KCNIP4: variants seen among roughly 807,000 people sequenced by gnomAD.
KCNIP4 encodes potassium voltage-gated channel interacting protein 4.
A neutral mutation model predicts 34.0 loss-of-function variants in KCNIP4; 12 were observed. That is an observed-to-expected ratio of 0.35 (90% CI 0.23 to 0.57). The LOEUF (loss-of-function observed/expected upper bound fraction) is 0.57, where lower values mean the gene tolerates loss of function less well. KCNIP4 is among the 20% of genes least tolerant of loss of function. KCNIP4 has a pLI of 0.83. For missense variants in KCNIP4, 238 were observed against 311.7 expected, an observed-to-expected ratio of 0.76 and a Z score of 1.78; for synonymous variants, 124 against 102.2, an observed-to-expected ratio of 1.21 and a Z score of -1.29.
At chr4:20,997,239 C>T (rs917248007) in intron 1 of KCNIP4, among the ~76,000 whole-genome samples, 5 of 152,106 alleles carry the variant, frequency 3.3e-5, no homozygotes, top group Non-Finnish European at 5.9e-5. Flanking sequence ...AGAAAGGAAA[C>T]AAGAGACAGG....
intron 1 of KCNIP4, among the ~76,000 whole-genome samples, chr4:20,933,655 A>G (rs965176171): frequency 6.6e-6 from 1 of 152,064 alleles, no homozygotes; most frequent in African/African-American, 2.4e-5. Flanking sequence ...AGTCCAAACA[A>G]TTGTTACTTT....
chr4:21,479,704 A>G (rs1731266935), intron 1 of KCNIP4, among the ~76,000 whole-genome samples: 1 of 152,168 alleles, frequency 6.6e-6, no homozygotes, highest in Non-Finnish European at 1.5e-5. Flanking sequence ...TTTCACACGT[A>G]TTCTTAGGAA....
rs748748063 is a variant in KCNIP4, at chr4:20,882,598, A to C, written c.163+10T>G. The C allele has an allele frequency of 3.1e-6, 5 of 1,606,528 alleles. 1 individual carries two copies. The Middle Eastern group carries it at 6.6e-4, about 213-fold the overall frequency. ...TCGGAGGAAAAAAAAAAACAAAAAA[A>C]CAAACTTGCTTTGAATAGCAGGAGA... On this transcript the variant is annotated intron_variant, in intron 2 of 8. Coordinates refer to ENST00000382152, the MANE Select transcript of KCNIP4 (RefSeq NM_025221.6).
At position 21,226,133 on chromosome 4, in the gene KCNIP4, G is replaced by A. The variant is rs144931012; in HGVS notation, c.62-343424C>T. Among the ~76,000 whole-genome samples, 702 of 151,006 alleles carry A rather than the reference G, an allele frequency of 4.6e-3. 4 individuals are homozygous for A. Among genetic ancestry groups the A allele is most frequent in the African/African-American group, 0.016 (677 of 41,062 alleles). ...ACTGATCTATGGTTGCATGAGATTT[G>A]CAAGTTCATGTAGTTAGAATTCAGT... On this transcript the variant is annotated intron_variant, in intron 1 of 8. Coordinates refer to ENST00000382152, the MANE Select transcript of KCNIP4 (RefSeq NM_025221.6).
At chr4:21,107,305 A>G (rs1422341087) in intron 1 of KCNIP4, among the ~76,000 whole-genome samples, 1 of 141,250 alleles carries the variant, frequency 7.1e-6, no homozygotes, top group Non-Finnish European at 1.5e-5. Flanking sequence ...CTCTATATTT[A>G]GGATAGTTAG....
At chr4:21,743,351 T>C (rs1390890437) in intron 1 of KCNIP4, among the ~76,000 whole-genome samples, 4 of 151,776 alleles carry the variant, frequency 2.6e-5, no homozygotes. Flanking sequence ...AAACCAGCAA[T>C]GTCTGGTATA....
intron 1 of KCNIP4, among the ~76,000 whole-genome samples, chr4:21,874,904 A>G (rs568171105): frequency 1.1e-4 from 17 of 152,242 alleles, no homozygotes; most frequent in Non-Finnish European, 2.2e-4. Flanking sequence ...CTCTGGGCTC[A>G]TAAGATTTCA....
At chr4:21,434,170 G>A (rs1251750810) in intron 1 of KCNIP4, among the ~76,000 whole-genome samples, 3 of 152,052 alleles carry the variant, frequency 2.0e-5, no homozygotes, top group Non-Finnish European at 4.4e-5. Context: ...TCAGCATGAC[G>A]TTTTCAAGTA....
chr4:20,870,361 C>T (rs900367472), intron 2 of KCNIP4, among the ~76,000 whole-genome samples: 5 of 152,070 alleles, frequency 3.3e-5, no homozygotes, highest in Admixed American at 2.6e-4. Context: ...CTGCTTGCTG[C>T]CCCTTCACCC....
intron 1 of KCNIP4, among the ~76,000 whole-genome samples, chr4:20,890,498 G>C (rs1725811758): frequency 6.6e-6 from 1 of 151,884 alleles, no homozygotes; most frequent in East Asian, 1.9e-4. Context: ...CATATATTAG[G>C]TACTAATATA....
chr4:21,806,299 G>C (rs1721293987), intron 1 of KCNIP4, among the ~76,000 whole-genome samples: 3 of 152,126 alleles, frequency 2.0e-5, no homozygotes, highest in Admixed American at 2.0e-4. Context: ...ATAGTATTTA[G>C]TTACTACTTG....
chr4:21,720,737 G>GTTC (rs556911255), intron 1 of KCNIP4, among the ~76,000 whole-genome samples: 184 of 141,520 alleles, frequency 1.3e-3, no homozygotes, highest in African/African-American at 4.6e-3. Context: ...GTGTCCAAGT[G>GTTC]TTCTCATTGT....
At chr4:21,303,677 C>T (rs1712015275) in intron 1 of KCNIP4, 1 of 619,960 alleles carries the variant, frequency 1.6e-6, no homozygotes, top group East Asian at 2.9e-5. Flanking sequence ...CCTGAAAAAC[C>T]TGGCTTCCTT....
intron 3 of KCNIP4, among the ~76,000 whole-genome samples, chr4:20,839,108 T>C (rs1355695757): frequency 9.9e-5 from 15 of 152,152 alleles, no homozygotes. Context: ...TGACAACTCT[T>C]TGTAGGGCTA....
At chr4:20,923,512 T>C (rs1023662971) in intron 1 of KCNIP4, among the ~76,000 whole-genome samples, 2 of 152,192 alleles carry the variant, frequency 1.3e-5, no homozygotes, top group Non-Finnish European at 2.9e-5. Flanking sequence ...AGCTCATTGA[T>C]ACATAGTTCA....
intron 1 of KCNIP4, among the ~76,000 whole-genome samples, chr4:21,726,785 C>T (rs781342223): frequency 2.6e-5 from 4 of 152,002 alleles, no homozygotes; most frequent in Non-Finnish European, 4.4e-5. Flanking sequence ...GCACAGTGCC[C>T]GACACAAAGT....
chr4:21,928,773 C>T (rs1436335672), intron 1 of KCNIP4, among the ~76,000 whole-genome samples: 1 of 152,148 alleles, frequency 6.6e-6, no homozygotes, highest in South Asian at 2.1e-4. Context: ...CCTCCTATTT[C>T]GCAGAATGCA....
In KCNIP4 at chr4:21,239,108, A is replaced by G. The variant is rs61533866; in HGVS notation, c.62-356399T>C. On this transcript the variant is annotated intron_variant, in intron 1 of 8. Transcript: ENST00000382152. ...TATCTGATCTTTGACAAACCTGACAAAAACAAGCAATGGGGAAAGGATTCC... is the reference window on the plus strand; with the variant it reads ...TATCTGATCTTTGACAAACCTGACAGAAACAAGCAATGGGGAAAGGATTCC... Among the ~76,000 whole-genome samples, 1,391 of 152,166 alleles carry G rather than the reference A, an allele frequency of 9.1e-3. 22 individuals are homozygous for G. Among genetic ancestry groups the G allele is most frequent in the African/African-American group, 0.031 (1,291 of 41,484 alleles).
chr4:21,581,211 G>A (rs1468805199), intron 1 of KCNIP4, among the ~76,000 whole-genome samples: 3 of 151,822 alleles, frequency 2.0e-5, no homozygotes, highest in African/African-American at 4.8e-5. Flanking sequence ...GTAGAGGAAC[G>A]GCATAAAAAC....
Sources: allele counts gnomAD v4.1 joint callset (sites outside exome capture counted in the v4.1 genomes callset), GRCh38; gene constraint gnomAD v4.1.1; transcripts MANE v1.5; gene names NCBI Gene and HGNC (gene_info 2026-07-23, HGNC 2026-07-21).